Variants in TSG101 observed in about 807,000 individuals in gnomAD.
TSG101 encodes the protein tumor susceptibility 101.
In TSG101, 19 loss-of-function variants were observed where a neutral mutation model predicts 48.5. The observed-to-expected ratio is 0.39, with a 90% CI of 0.27 to 0.58. TSG101 has a LOEUF of 0.58. Ranked by LOEUF, TSG101 falls within the 20% of genes least tolerant of loss-of-function variation. TSG101 has a pLI of 0.55. For missense variants in TSG101, 365 were observed against 484.4 expected (o/e 0.75, Z 2.31); for synonymous variants, 174 against 169.4 (o/e 1.03, Z -0.21).
chr11:18,499,381 A>AATATATATATATAT lies in TSG101; in HGVS notation c.640+3091_640+3104dup, dbSNP rs1229188041. On this transcript the variant is annotated intron_variant, in intron 7 of 9. Transcript: ENST00000251968. ...TTATATATAAATATGTTTATATTTA[A>AATATATATATATAT]ATATATATATATATATATATATTTT... 5.0e-3 allele frequency among the ~76,000 whole-genome samples: 62 copies of AATATATATATATAT among 12,284 alleles called. 13 individuals carry two copies. Among genetic ancestry groups the AATATATATATATAT allele is most frequent in the Middle Eastern group, 1 (2 of 2 alleles). The allele number at this position is 12,284 out of a possible 152,430, so 8.1% of individuals were successfully genotyped here.
chr11:18,485,841 G>A (rs539109983), intron 7 of TSG101, among the ~76,000 whole-genome samples: 2 of 152,320 alleles, frequency 1.3e-5, no homozygotes, highest in South Asian at 2.1e-4. Flanking sequence ...GGCAGATGGG[G>A]TGGGTCCCCG....
At chr11:18,513,558 C>T (rs1011624994) in intron 4 of TSG101, among the ~76,000 whole-genome samples, 1 of 152,158 alleles carries the variant, frequency 6.6e-6, no homozygotes, top group African/African-American at 2.4e-5. Context: ...CCTCAGCTTT[C>T]CAAAGTCCTG....
In TSG101 at chr11:18,526,863, C is replaced by T; in HGVS notation, c.-47G>A. On this transcript the variant is annotated 5_prime_UTR_variant, in exon 1 of 10. Coordinates refer to ENST00000251968, the MANE Select transcript of TSG101 (RefSeq NM_006292.4). The stretch of plus-strand genomic sequence containing the variant: ...TTCCCCGCAGGCAGAGGGTCAGCCG[C>T]TGCTGGGCTGCCCCAGACCGTCCCA... 1.3e-6 allele frequency: 2 copies of T among 1,581,754 alleles called. No homozygotes were observed. Among genetic ancestry groups the T allele is most frequent in the South Asian group, 1.1e-5 (1 of 88,530 alleles).
chr11:18,485,726 C>CT (rs1336688622), intron 7 of TSG101, among the ~76,000 whole-genome samples: 1 of 152,194 alleles, frequency 6.6e-6, no homozygotes, highest in African/African-American at 2.4e-5. Flanking sequence ...AGCTCTACTG[C>CT]TTTGAAGGCA....
rs1388086026 is a variant in TSG101 at position 18,509,642 on chromosome 11, A to G, written c.381T>C (p.Leu127=). The G allele has an allele frequency of 3.1e-6, 5 of 1,607,888 alleles. No homozygotes were observed. The highest frequency in any genetic ancestry group is 4.3e-6 in the Non-Finnish European group (5 of 1,176,210). Residue 127 remains leucine (L), a synonymous_variant, in exon 5 of 10, where the codon CTT becomes CTC. Transcript: ENST00000251968. Reference sequence around the variant, plus strand: ...CAAATACCACAATCATGACCTGAATAAGCCCCAACAAGTCTGACTGTGGCT... The same window carrying G: ...CAAATACCACAATCATGACCTGAATGAGCCCCAACAAGTCTGACTGTGGCT... ...WKHPQSDLLG[L]IQVMIVVFGD... is the part of the protein sequence containing the mutation.
intron 4 of TSG101, among the ~76,000 whole-genome samples, chr11:18,512,200 T>C (rs1183244576): frequency 6.6e-6 from 1 of 151,724 alleles, no homozygotes; most frequent in Non-Finnish European, 1.5e-5. Context: ...AAGTCAAGAG[T>C]TCGAGACCAG....
chr11:18,492,498 C>T (rs1590273472), intron 7 of TSG101, among the ~76,000 whole-genome samples: 1 of 152,014 alleles, frequency 6.6e-6, no homozygotes, highest in African/African-American at 2.4e-5. Flanking sequence ...CATTTAAATC[C>T]TGGAATTTAC....
chr11:18,519,837 A>AAATAAAGT lies in TSG101; in HGVS notation c.43-242_43-235dup, dbSNP rs557835620. Among the ~76,000 whole-genome samples, 899 of 152,338 alleles carry AAATAAAGT rather than the reference A, an allele frequency of 5.9e-3. 9 individuals are homozygous for AAATAAAGT. The highest frequency in any genetic ancestry group is 0.021 in the African/African-American group (867 of 41,580). Reference sequence around the variant, plus strand: ...ATGTTCTCAGTTTGAATCAGGATCCAAATAAAGTCCACACATTGCATTGGT... The same window carrying AAATAAAGT: ...ATGTTCTCAGTTTGAATCAGGATCCAAATAAAGTAATAAAGTCCACACATTGCATTGGT... On this transcript the variant is annotated intron_variant, in intron 1 of 9. Coordinates refer to ENST00000251968, the MANE Select transcript of TSG101 (RefSeq NM_006292.4).
chr11:18,494,655 G>A (rs1300873974), intron 7 of TSG101, among the ~76,000 whole-genome samples: 5 of 152,138 alleles, frequency 3.3e-5, no homozygotes, highest in Admixed American at 6.5e-5. Flanking sequence ...GGAAGAAAAC[G>A]CTACTTATCC....
intron 7 of TSG101, among the ~76,000 whole-genome samples, chr11:18,493,472 A>G (rs1432452032): frequency 2.0e-5 from 3 of 152,238 alleles, no homozygotes; most frequent in African/African-American, 7.2e-5. Flanking sequence ...GAAAGAATCC[A>G]TAAGCCCAAA....
chr11:18,526,942 C>A lies in TSG101; in HGVS notation c.-126G>T. 3.0e-6 allele frequency: 3 copies of A among 1,014,310 alleles called. No homozygotes were observed. The South Asian group carries it at 4.5e-5, about 15-fold the overall frequency. 62.8% of individuals were successfully genotyped at this position (1,014,310 alleles called of 1,614,324 possible). ...AAACAACAGGAAGTCGGCACCACTA[C>A]ACCACTTCCGCTTCCACTACGTCAC... is the stretch of plus-strand genomic sequence containing the variant. On this transcript the variant is annotated 5_prime_UTR_variant, in exon 1 of 10. Coordinates refer to ENST00000251968, the MANE Select transcript of TSG101 (RefSeq NM_006292.4).
chr11:18,485,504 G>A (rs1849607090), intron 7 of TSG101, among the ~76,000 whole-genome samples: 2 of 152,306 alleles, frequency 1.3e-5, no homozygotes, highest in African/African-American at 4.8e-5. Context: ...AGGAGTCCTA[G>A]AGAAAAGGCC....
At chr11:18,519,481 A>G in intron 2 of TSG101, 38 bp downstream of exon 2, 1 of 1,477,502 alleles carries the variant, frequency 6.8e-7, no homozygotes, top group Middle Eastern at 1.8e-4. Context: ...GAGTAAACTC[A>G]AAGTATAGAA....
intron 7 of TSG101, chr11:18,490,919 T>C: frequency 2.7e-6 from 1 of 377,316 alleles, no homozygotes; most frequent in Non-Finnish European, 5.2e-6. Flanking sequence ...GCCTGCTCAG[T>C]GAGTTGGCTT....
chr11:18,521,609 C>T (rs171496), intron 1 of TSG101, among the ~76,000 whole-genome samples: 1 of 150,642 alleles, frequency 6.6e-6, no homozygotes, highest in Non-Finnish European at 1.5e-5. Context: ...AAGTGATCCT[C>T]TCAACTCAGC....
In TSG101 at chr11:18,526,935, A is replaced by ACCACTACACCACTTCCGCTT. The variant is rs1481339099; in HGVS notation, c.-120_-119insAAGCGGAAGTGGTGTAGTGG. On this transcript the variant is annotated 5_prime_UTR_variant, in exon 1 of 10. Transcript: ENST00000251968. Reference sequence around the variant, plus strand: ...CGGCCTCAAACAACAGGAAGTCGGCACCACTACACCACTTCCGCTTCCACT... The same window carrying ACCACTACACCACTTCCGCTT: ...CGGCCTCAAACAACAGGAAGTCGGCACCACTACACCACTTCCGCTTCCACTACACCACTTCCGCTTCCACT... 4 of 1,035,362 alleles carry ACCACTACACCACTTCCGCTT rather than the reference A, an allele frequency of 3.9e-6. No homozygotes were observed. The highest frequency in any genetic ancestry group is 5.6e-6 in the Non-Finnish European group (4 of 712,058). 64.1% of individuals were successfully genotyped at this position (1,035,362 alleles called of 1,614,324 possible). A position where few individuals can be genotyped will look rare whatever the true frequency, so the allele number is the denominator to read the frequency against.
At chr11:18,502,632 T>G (rs921945786) in intron 6 of TSG101, 55 bp from the exon 7 acceptor site, 5 of 1,379,354 alleles carry the variant, frequency 3.6e-6, no homozygotes, top group Middle Eastern at 3.6e-4. Context: ...CCTTATAGTA[T>G]TTTGAAGAAC....
rs1849543369 is a variant in TSG101, at chr11:18,481,681, G to T, written c.1032C>A (p.Tyr344Ter). 6.2e-7 allele frequency: 1 copy of T among 1,614,044 alleles called. No individual in the cohort carries two copies. Among genetic ancestry groups the T allele is most frequent in the Admixed American group, 1.7e-5 (1 of 59,992 alleles). The change falls in exon 9 of 10, where the codon TAC becomes TAA. Residue 344 changes from tyrosine to a stop codon, truncating the protein, a stop_gained. Coordinates refer to ENST00000251968, the MANE Select transcript of TSG101 (RefSeq NM_006292.4). LOFTEE classifies it high-confidence loss of function. ...EENAIEDTIF[Y>*]LGEALRRGVI... ...CGCCCCTTCTCAAGGCTTCTCCCAA[G>T]TAAAAGATAGTGTCTTCAATAGCGT...
chr11:18,484,701 A>C (rs373035474), intron 7 of TSG101, among the ~76,000 whole-genome samples: 3 of 152,190 alleles, frequency 2.0e-5, no homozygotes, highest in African/African-American at 7.2e-5. Context: ...GTCCCTTCCT[A>C]ATCAGTATAT....
Sources: allele counts gnomAD v4.1 joint callset (sites outside exome capture counted in the v4.1 genomes callset), GRCh38; gene constraint gnomAD v4.1.1; transcripts MANE v1.5; gene names NCBI Gene and HGNC (gene_info 2026-07-23, HGNC 2026-07-21).